Variants in GABRB3 observed in about 807,000 individuals in gnomAD.
The protein encoded by GABRB3 is gamma-aminobutyric acid receptor subunit beta-3.
In GABRB3, 14 loss-of-function variants were observed where a neutral mutation model predicts 52.1. That is an observed-to-expected ratio of 0.27 (90% CI 0.18 to 0.42). The LOEUF is 0.42. Ranked by LOEUF, GABRB3 falls within the 10% of genes least tolerant of loss-of-function variation. The pLI is 1.00. For missense variants in GABRB3, 307 were observed against 609.1 expected (o/e 0.50, Z 5.22); for synonymous variants, 260 against 232.3 (o/e 1.12, Z -1.08).
chr15:26,636,287 T>C (rs138954498), intron 3 of GABRB3, among the ~76,000 whole-genome samples: 213 of 152,324 alleles, frequency 1.4e-3, no homozygotes, highest in African/African-American at 5.0e-3. Flanking sequence ...ACTAACCTTG[T>C]CCTTTGTCTC....
chr15:26,664,729 A>C lies in GABRB3; in HGVS notation c.241-43195T>G, dbSNP rs943022880. On this transcript the variant is annotated intron_variant, in intron 3 of 8. Transcript: ENST00000311550. Reference sequence around the variant, plus strand: ...GTTTTTTTTTTTTTTTTTTTGGTGGAGTTTCGCTCTTGTTGCTCAGGCTGG... The same window carrying C: ...GTTTTTTTTTTTTTTTTTTTGGTGGCGTTTCGCTCTTGTTGCTCAGGCTGG... 1.2e-4 allele frequency among the ~76,000 whole-genome samples: 8 copies of C among 68,134 alleles called. No individual in the cohort carries two copies. In the Admixed American group the frequency reaches 1.4e-3, roughly 12 times the overall value. The allele number at this position is 68,134 out of a possible 152,430, so 44.7% of individuals were successfully genotyped here.
intron 3 of GABRB3, chr15:26,629,312 T>C: frequency 1.4e-6 from 1 of 700,036 alleles, no homozygotes; most frequent in Non-Finnish European, 2.2e-6. Context: ...GGAAAAGGCG[T>C]GGCCCAGCTC....
At chr15:26,603,266 A>G (rs899064503) in intron 4 of GABRB3, among the ~76,000 whole-genome samples, 2 of 152,030 alleles carry the variant, frequency 1.3e-5, no homozygotes, top group Admixed American at 6.6e-5. Context: ...GTCACAATAA[A>G]AAGTCTCTCA....
chr15:26,753,221 A>C (rs1310847822), intron 3 of GABRB3, among the ~76,000 whole-genome samples: 5 of 152,112 alleles, frequency 3.3e-5, no homozygotes, highest in Non-Finnish European at 1.5e-5. Flanking sequence ...CACTGGCTCC[A>C]GTTACCCCTT....
intron 3 of GABRB3, among the ~76,000 whole-genome samples, chr15:26,719,878 C>A (rs1677157209): frequency 1.3e-5 from 2 of 152,216 alleles, no homozygotes; most frequent in South Asian, 4.1e-4. Context: ...TGAAACCTGT[C>A]TTACTGTCAG....
intron 7 of GABRB3, among the ~76,000 whole-genome samples, chr15:26,561,390 G>A (rs1889980056): frequency 6.6e-6 from 1 of 152,240 alleles, no homozygotes; most frequent in East Asian, 1.9e-4. Context: ...CTCTGGGGAA[G>A]TGAAGCCGTG....
chr15:26,756,464 G>A (rs945113482), intron 3 of GABRB3, among the ~76,000 whole-genome samples: 1 of 151,808 alleles, frequency 6.6e-6, no homozygotes, highest in Non-Finnish European at 1.5e-5. Flanking sequence ...TGTAGTCCCA[G>A]TGACTCGGGA....
chr15:26,753,198 C>G (rs6576605), intron 3 of GABRB3, among the ~76,000 whole-genome samples: 78,340 of 151,954 alleles, frequency 0.52, 20,845 homozygotes, highest in South Asian at 0.65. Context: ...TCTTAGTGTC[C>G]CGTCACCGCA....
At chr15:26,739,872 G>A (rs569451035) in intron 3 of GABRB3, among the ~76,000 whole-genome samples, 4 of 152,202 alleles carry the variant, frequency 2.6e-5, no homozygotes, top group South Asian at 4.1e-4. Flanking sequence ...GGATAATGGG[G>A]TTAAGATAAA....
chr15:26,749,001 G>A lies in GABRB3; in HGVS notation c.240+23401C>T, dbSNP rs536297285. Among the ~76,000 whole-genome samples the A allele has an allele frequency of 2.0e-5, 3 of 151,246 alleles. No homozygotes were observed. In the East Asian group the frequency reaches 5.9e-4, roughly 30 times the overall value. On this transcript the variant is annotated intron_variant, in intron 3 of 8. Transcript: ENST00000311550. The stretch of plus-strand genomic sequence containing the variant: ...GACAGCATTACTGCACTCCAGCCTG[G>A]GCAATAGAATGAGACTCCATCTCAA...
At chr15:26,741,145 A>G (rs1890198578) in intron 3 of GABRB3, among the ~76,000 whole-genome samples, 1 of 151,880 alleles carries the variant, frequency 6.6e-6, no homozygotes, top group Admixed American at 6.6e-5. Context: ...ATCTGGTGTT[A>G]CTTCCTTTTC....
rs565604830 is a variant in GABRB3 at position 26,671,336 on chromosome 15, T to C, written c.241-49802A>G. ...GCTACTCAAGTATCTGGCAAATTTG[T>C]AGCAAACTCCAAATTCATTTTTCAA... On this transcript the variant is annotated intron_variant, in intron 3 of 8. Transcript: ENST00000311550. Among the ~76,000 whole-genome samples, 54 of 152,338 alleles carry C rather than the reference T, an allele frequency of 3.5e-4. No homozygotes were observed. In the South Asian group the frequency reaches 0.011, roughly 31 times the overall value.
chr15:26,705,437 G>T (rs534260953), intron 3 of GABRB3, among the ~76,000 whole-genome samples: 5 of 152,258 alleles, frequency 3.3e-5, no homozygotes, highest in African/African-American at 1.2e-4. Context: ...TACAAATTTT[G>T]GGAGACATAA....
chr15:26,597,794 A>G (rs920859988), intron 4 of GABRB3, among the ~76,000 whole-genome samples: 2 of 152,246 alleles, frequency 1.3e-5, no homozygotes, highest in Non-Finnish European at 2.9e-5. Flanking sequence ...CCACCAGGAA[A>G]CAGTATCAGT....
rs182544006 is a variant in GABRB3, at chr15:26,621,745, G to C, written c.241-211C>G. Among the ~76,000 whole-genome samples, 1 of 152,268 alleles carries C rather than the reference G, an allele frequency of 6.6e-6. No homozygotes were observed. The highest frequency in any genetic ancestry group is 6.5e-5 in the Admixed American group (1 of 15,292). On this transcript the variant is annotated intron_variant, in intron 3 of 8. Coordinates refer to ENST00000311550, the MANE Select transcript of GABRB3 (RefSeq NM_000814.6). The surrounding 1 kb of genome is among the most constrained non-coding windows in gnomAD (Gnocchi z 4.1). ...AGGTACATGAGTCTGTGTGTGTCAC[G>C]TATAGATGTCCTCTGTTTTACTTAG... is the stretch of plus-strand genomic sequence containing the variant.
intron 3 of GABRB3, among the ~76,000 whole-genome samples, chr15:26,668,494 C>T (rs2140625866): frequency 6.6e-6 from 1 of 152,222 alleles, no homozygotes; most frequent in East Asian, 1.9e-4. Flanking sequence ...AACCCTCAGC[C>T]TCATACATAC....
At chr15:26,712,796 A>G (rs1205292862) in intron 3 of GABRB3, among the ~76,000 whole-genome samples, 1 of 152,020 alleles carries the variant, frequency 6.6e-6, no homozygotes, top group Admixed American at 6.6e-5. Context: ...CCTTGAGGAG[A>G]CCACAGCAAA....
intron 3 of GABRB3, among the ~76,000 whole-genome samples, chr15:26,718,135 C>T (rs1889545783): frequency 1.3e-5 from 2 of 152,186 alleles, no homozygotes. Context: ...AAGAAACTTC[C>T]CCAAAGGTCT....
chr15:26,628,346 G>A (rs1188379909), intron 3 of GABRB3, among the ~76,000 whole-genome samples: 1 of 152,354 alleles, frequency 6.6e-6, no homozygotes, highest in East Asian at 1.9e-4. Flanking sequence ...CAACTTGGGG[G>A]AGGCGAAGAT....
Sources: allele counts gnomAD v4.1 joint callset (sites outside exome capture counted in the v4.1 genomes callset), GRCh38; gene constraint gnomAD v4.1.1; non-coding constraint Gnocchi (gnomAD v3.1); transcripts MANE v1.5; gene names NCBI Gene and HGNC (gene_info 2026-07-23, HGNC 2026-07-21).